Variants in GALNTL6 observed in about 807,000 individuals in gnomAD.
GALNTL6 encodes the protein polypeptide N-acetylgalactosaminyltransferase like 6.
Under a neutral mutation model 73.7 loss-of-function variants are expected in GALNTL6, and 46 were observed. The observed-to-expected ratio is 0.62, with a 90% CI of 0.49 to 0.80. The LOEUF (loss-of-function observed/expected upper bound fraction) is 0.80, where lower values mean the gene tolerates loss of function less well. GALNTL6 is among the 30% of genes least tolerant of loss of function. The pLI, the probability that GALNTL6 is intolerant of heterozygous loss-of-function variation, is 0.00. For missense variants in GALNTL6, 604 were observed against 755.0 expected (o/e 0.80, Z 2.34); for synonymous variants, 259 against 263.7 (o/e 0.98, Z 0.17).
At chr4:172,610,008 G>A (rs1281872960) in intron 5 of GALNTL6, among the ~76,000 whole-genome samples, 1 of 151,866 alleles carries the variant, frequency 6.6e-6, no homozygotes, top group Non-Finnish European at 1.5e-5. Context: ...TTCTCTTATG[G>A]TTAGTTGTAT....
At chr4:172,314,846 G>A (rs1314060616) in intron 4 of GALNTL6, among the ~76,000 whole-genome samples, 1 of 152,076 alleles carries the variant, frequency 6.6e-6, no homozygotes, top group East Asian at 1.9e-4. Flanking sequence ...CTGAACTCAG[G>A]TGATCCGCCT....
chr4:172,745,432 T>G (rs1737053341), intron 5 of GALNTL6, among the ~76,000 whole-genome samples: 1 of 132,470 alleles, frequency 7.5e-6, no homozygotes, highest in Non-Finnish European at 1.6e-5. Context: ...TTTCAAAACA[T>G]ATATATATAT....
In GALNTL6 at chr4:172,316,271, T is replaced by C. The variant is rs770070783; in HGVS notation, c.386+4519T>C. On this transcript the variant is annotated intron_variant, in intron 4 of 12. Transcript: ENST00000506823. Reference sequence around the variant, plus strand: ...GTTTTGGGTAAATGCATCTTTGATATGAGTTTCATTTTTTTGGCCGTTATA... The same window carrying C: ...GTTTTGGGTAAATGCATCTTTGATACGAGTTTCATTTTTTTGGCCGTTATA... Among the ~76,000 whole-genome samples, 7 of 152,212 alleles carry C rather than the reference T, an allele frequency of 4.6e-5. No individual in the cohort carries two copies. In the East Asian group the frequency reaches 7.7e-4, roughly 17 times the overall value.
At chr4:172,236,141 C>T (rs1290724940) in intron 3 of GALNTL6, among the ~76,000 whole-genome samples, 1 of 152,120 alleles carries the variant, frequency 6.6e-6, no homozygotes, top group Non-Finnish European at 1.5e-5. Flanking sequence ...CTGTGTGATC[C>T]AGTGTTTCAC....
At chr4:172,757,640 C>T (rs1560931557) in intron 5 of GALNTL6, among the ~76,000 whole-genome samples, 1 of 152,162 alleles carries the variant, frequency 6.6e-6, no homozygotes, top group Non-Finnish European at 1.5e-5. Flanking sequence ...TATGCAAACT[C>T]CATGCAAATG....
In GALNTL6 at chr4:171,936,019, T is replaced by C. The variant is rs1351219932; in HGVS notation, c.138+121301T>C. Among the ~76,000 whole-genome samples, 7 of 152,160 alleles carry C rather than the reference T, an allele frequency of 4.6e-5. No individual in the cohort carries two copies. The East Asian group carries it at 1.2e-3, about 25-fold the overall frequency. On this transcript the variant is annotated intron_variant, in intron 2 of 12. Transcript: ENST00000506823. ...ATGACTAATCCTCAGAAAATATCTATCTGTGGATAATTCAGCATTATTGAA... is the reference window on the plus strand; with the variant it reads ...ATGACTAATCCTCAGAAAATATCTACCTGTGGATAATTCAGCATTATTGAA...
chr4:172,292,673 A>G (rs1420341232), intron 3 of GALNTL6, among the ~76,000 whole-genome samples: 1 of 152,276 alleles, frequency 6.6e-6, no homozygotes, highest in East Asian at 1.9e-4. Context: ...TTTATAAAAC[A>G]TAGCTGAAAG....
intron 2 of GALNTL6, among the ~76,000 whole-genome samples, chr4:172,005,367 T>C (rs1740806797): frequency 6.6e-6 from 1 of 152,118 alleles, no homozygotes; most frequent in African/African-American, 2.4e-5. Flanking sequence ...ACTCAAAGGA[T>C]CCACCTGCCT....
intron 3 of GALNTL6, among the ~76,000 whole-genome samples, chr4:172,278,226 G>A (rs866317074): frequency 2.0e-5 from 3 of 151,934 alleles, no homozygotes; most frequent in Non-Finnish European, 4.4e-5. Context: ...TTTTTAAGTT[G>A]AGCCAAAATG....
intron 7 of GALNTL6, among the ~76,000 whole-genome samples, chr4:172,849,278 A>G (rs1743683909): frequency 6.6e-6 from 1 of 152,202 alleles, no homozygotes; most frequent in Admixed American, 6.6e-5. Flanking sequence ...GCTCACATTA[A>G]TTCTCAGGAT....
intron 5 of GALNTL6, among the ~76,000 whole-genome samples, chr4:172,369,305 C>T (rs568442379): frequency 2.7e-4 from 41 of 152,276 alleles, no homozygotes; most frequent in African/African-American, 6.5e-4. Context: ...CTCATTGGTG[C>T]GTTTACAAAC....
At chr4:172,165,077 C>T (rs1351245519) in intron 2 of GALNTL6, among the ~76,000 whole-genome samples, 1 of 152,074 alleles carries the variant, frequency 6.6e-6, no homozygotes, top group Non-Finnish European at 1.5e-5. Context: ...TTCCAAACAA[C>T]TTTAACATTT....
chr4:172,124,951 G>A (rs1029726714), intron 2 of GALNTL6, among the ~76,000 whole-genome samples: 1 of 152,108 alleles, frequency 6.6e-6, no homozygotes, highest in African/African-American at 2.4e-5. Flanking sequence ...ATTTATGCTT[G>A]AGGAAAACTT....
At chr4:172,150,461 G>C (rs1452390227) in intron 2 of GALNTL6, among the ~76,000 whole-genome samples, 1 of 152,166 alleles carries the variant, frequency 6.6e-6, no homozygotes, top group Admixed American at 6.5e-5. Flanking sequence ...TGAGTAGAAT[G>C]GTAGTGAAGG....
At chr4:172,272,428 A>G (rs796698277) in intron 3 of GALNTL6, among the ~76,000 whole-genome samples, 14 of 152,344 alleles carry the variant, frequency 9.2e-5, no homozygotes, top group African/African-American at 3.4e-4. Context: ...TAGGCCATAC[A>G]ATATACCTAT....
Position 172,187,904 on chromosome 4 carries a change from C to T in GALNTL6, c.139-41752C>T, listed in dbSNP as rs1039804469. Among the ~76,000 whole-genome samples, 3 of 152,038 alleles carry T rather than the reference C, an allele frequency of 2.0e-5. No homozygotes were observed. In the East Asian group the frequency reaches 5.8e-4, roughly 29 times the overall value. ...TCAATGTAAAACTCATTCTTTATTA[C>T]CACCAAGACACAATGTCAAGTACTT... On this transcript the variant is annotated intron_variant, in intron 2 of 12. Coordinates refer to ENST00000506823, the MANE Select transcript of GALNTL6 (RefSeq NM_001034845.3).
intron 5 of GALNTL6, among the ~76,000 whole-genome samples, chr4:172,735,348 C>A (rs564608367): frequency 1.3e-5 from 2 of 152,086 alleles, no homozygotes; most frequent in African/African-American, 2.4e-5. Context: ...TAATGACTGC[C>A]CTATTGGATT....
At chr4:172,602,372 C>T (rs1026774442) in intron 5 of GALNTL6, among the ~76,000 whole-genome samples, 24 of 151,748 alleles carry the variant, frequency 1.6e-4, no homozygotes, top group Admixed American at 5.3e-4. Flanking sequence ...AATATTAGTA[C>T]ATATTATGGG....
At chr4:172,157,552 A>C (rs779888890) in intron 2 of GALNTL6, among the ~76,000 whole-genome samples, 1 of 152,304 alleles carries the variant, frequency 6.6e-6, no homozygotes, top group African/African-American at 2.4e-5. Flanking sequence ...TATGAATACA[A>C]GGTTAGAAGA....
Sources: allele counts gnomAD v4.1 joint callset (sites outside exome capture counted in the v4.1 genomes callset), GRCh38; gene constraint gnomAD v4.1.1; transcripts MANE v1.5; gene names NCBI Gene and HGNC (gene_info 2026-07-23, HGNC 2026-07-21).